BTF3L4: variants seen among roughly 807,000 people sequenced by gnomAD.
BTF3L4 encodes the protein transcription factor BTF3 homolog 4.
In BTF3L4, 6 loss-of-function variants were observed where a neutral mutation model predicts 16.8. The observed-to-expected ratio is 0.36, with a 90% CI of 0.20 to 0.71. The LOEUF (loss-of-function observed/expected upper bound fraction) is 0.71. Ranked by LOEUF, BTF3L4 falls within the 30% of genes least tolerant of loss-of-function variation. The pLI is 0.58. For missense variants in BTF3L4, 92 were observed against 186.9 expected, an observed-to-expected ratio of 0.49 and a Z score of 2.96; for synonymous variants, 39 against 59.8, an observed-to-expected ratio of 0.65 and a Z score of 1.60.
chr1:52,085,013 C>CTCTT (rs1271594843), intron 4 of BTF3L4, among the ~76,000 whole-genome samples: 9 of 58,528 alleles, frequency 1.5e-4, no homozygotes, highest in African/African-American at 6.1e-4. Context: ...TGAAAAAAAT[C>CTCTT]TTTTTTTTTT....
chr1:52,059,134 G>A (rs751939522), intron 1 of BTF3L4, among the ~76,000 whole-genome samples: 2 of 151,582 alleles, frequency 1.3e-5, no homozygotes, highest in Non-Finnish European at 2.9e-5. Flanking sequence ...GTGCAATGAA[G>A]CATTTTACCC....
chr1:52,075,523 TA>T (rs71041887), intron 3 of BTF3L4, among the ~76,000 whole-genome samples: 4,977 of 115,618 alleles, frequency 0.043, 112 homozygotes, highest in African/African-American at 0.056. Context: ...AGACTACGTC[TA>T]AAAAAAAAAA....
intron 3 of BTF3L4, among the ~76,000 whole-genome samples, chr1:52,076,772 C>T (rs1009688834): frequency 1.2e-4 from 19 of 152,128 alleles, no homozygotes; most frequent in Admixed American, 8.5e-4. Context: ...TTTATAAGAG[C>T]GTGTGCAAAG....
rs1643982221 is a variant in BTF3L4 at position 52,087,390 on chromosome 1, C to A, written c.*632C>A. Reference sequence around the variant, plus strand: ...GGTATGGTTGCCTTAGATTAACTTACCTAGTCAGACCCAGAAGAACTTCTT... The same window carrying A: ...GGTATGGTTGCCTTAGATTAACTTAACTAGTCAGACCCAGAAGAACTTCTT... On this transcript the variant is annotated 3_prime_UTR_variant, in exon 6 of 6. Coordinates refer to ENST00000313334, the MANE Select transcript of BTF3L4 (RefSeq NM_152265.5). The A allele has an allele frequency of 6.6e-6, 1 of 152,140 alleles. No individual in the cohort carries two copies. The highest frequency in any genetic ancestry group is 2.4e-5 in the African/African-American group (1 of 41,426). The allele number at this position is 152,140 out of a possible 1,614,324, so 9.4% of individuals were successfully genotyped here.
chr1:52,077,091 C>T (rs1021012619), intron 3 of BTF3L4, among the ~76,000 whole-genome samples: 1 of 151,800 alleles, frequency 6.6e-6, no homozygotes, highest in African/African-American at 2.4e-5. Flanking sequence ...TCCCTTGAGC[C>T]CAGGAGTTTG....
rs944726562 is a variant in BTF3L4 at position 52,089,313 on chromosome 1, T to A, written c.*2555T>A. ...AACAATTCTTAATGGCTGGCCTCTC[T>A]TGTGTACAATGAGCCAATATTCTTT... is the stretch of plus-strand genomic sequence containing the variant. On this transcript the variant is annotated 3_prime_UTR_variant, in exon 6 of 6. Transcript: ENST00000313334. 1.5e-4 allele frequency: 23 copies of A among 152,304 alleles called. 1 individual carries two copies. The highest frequency in any genetic ancestry group is 4.8e-4 in the African/African-American group (20 of 41,574). 9.4% of individuals were successfully genotyped at this position (152,304 alleles called of 1,614,324 possible).
chr1:52,081,553 A>G (rs1643922650), intron 3 of BTF3L4, among the ~76,000 whole-genome samples: 1 of 152,228 alleles, frequency 6.6e-6, no homozygotes, highest in Non-Finnish European at 1.5e-5. Flanking sequence ...CCCATTTCAC[A>G]TCCACTGTCA....
chr1:52,083,613 C>T lies in BTF3L4; in HGVS notation c.370+72C>T, dbSNP rs2124446288. On this transcript the variant is annotated intron_variant, in intron 4 of 5. Transcript: ENST00000313334. ...AGAACCTAATCATTTAAAAGGTGTCCCATCTTAATTTGGATTTGCCTGTAT... is the reference window on the plus strand; with the variant it reads ...AGAACCTAATCATTTAAAAGGTGTCTCATCTTAATTTGGATTTGCCTGTAT... 5 of 1,213,196 alleles carry T rather than the reference C, an allele frequency of 4.1e-6. No individual in the cohort carries two copies. In the East Asian group the frequency reaches 9.4e-5, roughly 23 times the overall value. The allele number at this position is 1,213,196 out of a possible 1,614,324, so 75.2% of individuals were successfully genotyped here.
chr1:52,067,978 G>C (rs1446147130), intron 3 of BTF3L4, among the ~76,000 whole-genome samples: 1 of 140,078 alleles, frequency 7.1e-6, no homozygotes, highest in East Asian at 2.1e-4. Flanking sequence ...GGCACCCTTA[G>C]CTGAGAAACA....
In BTF3L4 at chr1:52,078,378, A is replaced by T. The variant is rs867878328; in HGVS notation, c.169-4962A>T. Among the ~76,000 whole-genome samples, 59 of 152,120 alleles carry T rather than the reference A, an allele frequency of 3.9e-4. 1 individual carries two copies. Among genetic ancestry groups the T allele is most frequent in the African/African-American group, 1.4e-3 (59 of 41,516 alleles). ...ATGCCCAGCCATGATTTTAGAATAA[A>T]TTGTATAGGAGGTATCCATTCATTC... On this transcript the variant is annotated intron_variant, in intron 3 of 5. Coordinates refer to ENST00000313334, the MANE Select transcript of BTF3L4 (RefSeq NM_152265.5).
chr1:52,081,853 C>T (rs1302132166), intron 3 of BTF3L4, among the ~76,000 whole-genome samples: 1 of 152,176 alleles, frequency 6.6e-6, no homozygotes, highest in Non-Finnish European at 1.5e-5. Context: ...TTTATTTTCT[C>T]TGTGTTCCAG....
At chr1:52,058,029 C>T (rs1179260785) in intron 1 of BTF3L4, among the ~76,000 whole-genome samples, 1 of 152,110 alleles carries the variant, frequency 6.6e-6, no homozygotes, top group Non-Finnish European at 1.5e-5. Context: ...TTTCCTTAGC[C>T]CCTTTTTTTT....
intron 3 of BTF3L4, among the ~76,000 whole-genome samples, chr1:52,070,698 A>C (rs1350937178): frequency 2.8e-4 from 40 of 141,348 alleles, no homozygotes; most frequent in Admixed American, 1.5e-3. Context: ...GTGCAGTGGC[A>C]CAGTCTTGGC....
intron 4 of BTF3L4, among the ~76,000 whole-genome samples, chr1:52,085,195 A>G (rs1182763022): frequency 3.3e-5 from 5 of 150,692 alleles, no homozygotes; most frequent in African/African-American, 1.2e-4. Context: ...TAATTTTTAT[A>G]TTTTTAGTAG....
chr1:52,078,754 G>C (rs1686994118), intron 3 of BTF3L4, among the ~76,000 whole-genome samples: 1 of 152,106 alleles, frequency 6.6e-6, no homozygotes, highest in Admixed American at 6.6e-5. Context: ...AGCAAAAAAT[G>C]AGAGCAAGGG....
chr1:52,069,231 G>A (rs1044910449), intron 3 of BTF3L4, among the ~76,000 whole-genome samples: 4 of 152,042 alleles, frequency 2.6e-5, no homozygotes, highest in Non-Finnish European at 4.4e-5. Flanking sequence ...AAGATGGAGA[G>A]GAGTTTTACT....
intron 3 of BTF3L4, among the ~76,000 whole-genome samples, chr1:52,067,881 G>A (rs1346954302): frequency 6.6e-6 from 1 of 152,140 alleles, no homozygotes; most frequent in African/African-American, 2.4e-5. Flanking sequence ...CCCACTAGGT[G>A]CTGGTAACAG....
chr1:52,065,112 A>G (rs1391916851), intron 3 of BTF3L4, 174 bp downstream of exon 3: 4 of 407,728 alleles, frequency 9.8e-6, no homozygotes, highest in Non-Finnish European at 1.8e-5. Flanking sequence ...TCAAAAAAAT[A>G]ATTTTAGTAG....
chr1:52,056,970 C>G (rs1020686969), intron 1 of BTF3L4, among the ~76,000 whole-genome samples: 1 of 152,208 alleles, frequency 6.6e-6, no homozygotes, highest in African/African-American at 2.4e-5. Flanking sequence ...CACATTCTTG[C>G]AGTTTACCAT....
Sources: allele counts gnomAD v4.1 joint callset (sites outside exome capture counted in the v4.1 genomes callset), GRCh38; gene constraint gnomAD v4.1.1; transcripts MANE v1.5; gene names NCBI Gene and HGNC (gene_info 2026-07-23, HGNC 2026-07-21).